LIMCH1: variants seen among roughly 807,000 people sequenced by gnomAD.
The protein encoded by LIMCH1 is LIM and calponin homology domains-containing protein 1.
Under a neutral mutation model 176.5 loss-of-function variants are expected in LIMCH1, and 113 were observed. The ratio of observed to expected loss-of-function variants is 0.64; its 90% CI spans 0.55 to 0.75. The LOEUF is 0.75. LIMCH1 is among the 30% of genes least tolerant of loss of function. LIMCH1 has a pLI of 0.00. For synonymous variants in LIMCH1, 619 were observed against 645.9 expected (o/e 0.96, Z 0.63); for missense variants, 1,674 against 1,814.9 (o/e 0.92, Z 1.41).
At chr4:41,490,757 A>G (rs1181529884) in intron 1 of LIMCH1, among the ~76,000 whole-genome samples, 2 of 151,890 alleles carry the variant, frequency 1.3e-5, no homozygotes, top group Non-Finnish European at 2.9e-5. Flanking sequence ...CAAAACCGCC[A>G]TCGTTATCAC....
chr4:41,647,796 T>C (rs2094126397), intron 17 of LIMCH1, among the ~76,000 whole-genome samples: 1 of 152,250 alleles, frequency 6.6e-6, no homozygotes, highest in Non-Finnish European at 1.5e-5. Context: ...TGACTTTTGC[T>C]GAAATAACTC....
chr4:41,381,404 G>T (rs1288449310), intron 1 of LIMCH1, among the ~76,000 whole-genome samples: 2 of 152,166 alleles, frequency 1.3e-5, no homozygotes, highest in African/African-American at 2.4e-5. Context: ...TAAACAAGAG[G>T]GAGCAGAGAG....
intron 1 of LIMCH1, among the ~76,000 whole-genome samples, chr4:41,440,037 T>A (rs1334525521): frequency 6.6e-6 from 1 of 152,254 alleles, no homozygotes; most frequent in Non-Finnish European, 1.5e-5. Flanking sequence ...TTTTGCTTGA[T>A]GCTTCATGAT....
At chr4:41,627,249 T>A (rs1371740694) in intron 8 of LIMCH1, among the ~76,000 whole-genome samples, 1 of 152,214 alleles carries the variant, frequency 6.6e-6, no homozygotes, top group African/African-American at 2.4e-5. Context: ...AAAATAGGGC[T>A]GAATTTGCCA....
At chr4:41,381,619 T>G (rs2055684622) in intron 1 of LIMCH1, among the ~76,000 whole-genome samples, 2 of 152,166 alleles carry the variant, frequency 1.3e-5, no homozygotes, top group Non-Finnish European at 2.9e-5. Flanking sequence ...GCCAGTAGAA[T>G]GCAGCAGAAG....
In LIMCH1 at chr4:41,620,559, C is replaced by G. The variant is rs1452107097; in HGVS notation, c.594C>G (p.His198Gln). The change falls in exon 7 of 32, where the codon CAC becomes CAG. Residue 198 changes from histidine (H) to glutamine (Q), a missense_variant. His to Gln is a conservative substitution (Grantham distance 24). Transcript: ENST00000503057. The part of the protein sequence containing the change: ...CELPDGSGKE[H>Q]PSSDGAVVAP... ...TACCTGACGGCAGTGGTAAGGAGCA[C>G]CCTTCTTCAGACGGGGCTGTGGTGG... The G allele has an allele frequency of 2.3e-5, 35 of 1,536,330 alleles. No individual in the cohort carries two copies. The highest frequency in any genetic ancestry group is 3.1e-5 in the Non-Finnish European group (35 of 1,146,974).
At chr4:41,623,894 AG>A (rs1395128240) in intron 7 of LIMCH1, among the ~76,000 whole-genome samples, 1 of 152,250 alleles carries the variant, frequency 6.6e-6, no homozygotes, top group Non-Finnish European at 1.5e-5. Context: ...GACAGAAAGT[AG>A]GATTTCTTAA....
At chr4:41,386,093 A>G (rs2056456375) in intron 1 of LIMCH1, 1 of 152,246 alleles carries the variant, frequency 6.6e-6, no homozygotes, top group African/African-American at 2.4e-5. Context: ...AATAGTAAAA[A>G]GTAGAATCAA....
In LIMCH1 at chr4:41,629,385, G is replaced by A. The variant is rs1045360821; in HGVS notation, c.1029-107G>A. 21 of 1,294,910 alleles carry A rather than the reference G, an allele frequency of 1.6e-5. No individual in the cohort carries two copies. The African/African-American group carries it at 2.5e-4, about 16-fold the overall frequency. The allele number at this position is 1,294,910 out of a possible 1,614,324, so 80.2% of individuals were successfully genotyped here. A position where few individuals can be genotyped will look rare whatever the true frequency, so the allele number is the denominator to read the frequency against. On this transcript the variant is annotated intron_variant, in intron 8 of 31. Transcript: ENST00000503057. ...AAGAGAAAAGTGTTTCCATCATTTTGTTCTGTCCTCAGCCTGTGAGTTTCC... is the reference window on the plus strand; with the variant it reads ...AAGAGAAAAGTGTTTCCATCATTTTATTCTGTCCTCAGCCTGTGAGTTTCC...
At chr4:41,458,365 C>T (rs935561206) in intron 1 of LIMCH1, among the ~76,000 whole-genome samples, 5 of 151,930 alleles carry the variant, frequency 3.3e-5, no homozygotes, top group Admixed American at 1.3e-4. Flanking sequence ...TTGAGAGGTA[C>T]CTAGTAATTG....
chr4:41,683,119 T>G (rs1466702915), intron 26 of LIMCH1, among the ~76,000 whole-genome samples: 1 of 152,124 alleles, frequency 6.6e-6, no homozygotes, highest in Non-Finnish European at 1.5e-5. Context: ...GAAATTGAAA[T>G]GAGAACCTGG....
chr4:41,460,972 T>A (rs1243479241), intron 1 of LIMCH1, among the ~76,000 whole-genome samples: 1 of 152,226 alleles, frequency 6.6e-6, no homozygotes, highest in East Asian at 1.9e-4. Flanking sequence ...TCCGACTGGC[T>A]CTGTTGCTCC....
At chr4:41,573,796 G>A (rs565134151) in intron 1 of LIMCH1, among the ~76,000 whole-genome samples, 1 of 152,236 alleles carries the variant, frequency 6.6e-6, no homozygotes, top group South Asian at 2.1e-4. Context: ...GAGACGTGTT[G>A]TCAGGTCCTC....
In LIMCH1 at chr4:41,425,428, C is replaced by G. The variant is rs183354818; in HGVS notation, c.96+64492C>G. 1.6e-3 allele frequency among the ~76,000 whole-genome samples: 236 copies of G among 152,248 alleles called. 2 individuals carry two copies. The highest frequency in any genetic ancestry group is 5.4e-3 in the African/African-American group (223 of 41,548). ...GTGGCATGATCTCTGCCCACTGCAA[C>G]CCCCGCCTCCCGGGTTCAAGCGATT... On this transcript the variant is annotated intron_variant, in intron 1 of 26. Coordinates refer to the LIMCH1 transcript ENST00000313860.
chr4:41,609,604 C>T (rs961386125), intron 4 of LIMCH1: 1 of 452,876 alleles, frequency 2.2e-6, no homozygotes, highest in Non-Finnish European at 4.4e-6. Context: ...TTAAGTCATC[C>T]ACCAGTCCTA....
At chr4:41,681,975 T>C (rs1386898188) in intron 25 of LIMCH1, among the ~76,000 whole-genome samples, 3 of 152,152 alleles carry the variant, frequency 2.0e-5, no homozygotes, top group Non-Finnish European at 4.4e-5. Context: ...TCATAGAAGA[T>C]GGAAGTACAG....
In LIMCH1 at chr4:41,646,231, A is replaced by C. The variant is rs146872106; in HGVS notation, c.2362A>C (p.Ser788Arg). 6.3e-4 allele frequency: 1,011 copies of C among 1,613,436 alleles called. 2 individuals carry two copies. The highest frequency in any genetic ancestry group is 7.6e-4 in the Non-Finnish European group (901 of 1,179,936). The change falls in exon 16 of 32, where the codon AGT (serine) becomes CGT (arginine). Residue 788 changes from serine to arginine, a missense_variant. Ser to Arg is a moderately radical substitution (Grantham distance 110). Around this residue, in one of 3 missense-constraint regions of LIMCH1, gnomAD observed 1,015 missense variants for 1,102.5 expected, o/e 0.92. Coordinates refer to ENST00000503057, the MANE Select transcript of LIMCH1 (RefSeq NM_001330672.2). Reference protein sequence around the residue: ...EKLLAGEDGTSERRKSIKTYR... With the variant: ...EKLLAGEDGTRERRKSIKTYR... ...GTTACTGGCTGGAGAAGATGGGACA[A>C]GTGAACGAAGGAAAAGCATCAAAAC...
chr4:41,495,341 T>C (rs1406406727), intron 2 of LIMCH1, among the ~76,000 whole-genome samples: 2 of 152,238 alleles, frequency 1.3e-5, no homozygotes, highest in African/African-American at 2.4e-5. Context: ...AGCTCCTAAC[T>C]GTACAATCTA....
intron 30 of LIMCH1, among the ~76,000 whole-genome samples, chr4:41,691,219 A>C (rs1725346211): frequency 6.6e-6 from 1 of 152,076 alleles, no homozygotes; most frequent in Non-Finnish European, 1.5e-5. Flanking sequence ...CTTATGACAT[A>C]ATTTGGATTA....
Sources: allele counts gnomAD v4.1 joint callset (sites outside exome capture counted in the v4.1 genomes callset), GRCh38; gene constraint gnomAD v4.1.1; regional missense constraint gnomAD v4.1.1; transcripts MANE v1.5; gene names NCBI Gene and HGNC (gene_info 2026-07-23, HGNC 2026-07-21).